The following KCNAB1 variants were observed in gnomAD, a reference collection of about 807,000 sequenced individuals.
KCNAB1 encodes voltage-gated potassium channel subunit beta-1.
KCNAB1 carries 35 observed loss-of-function variants against 64.6 expected under a neutral mutation model. The observed-to-expected ratio is 0.54, with a 90% CI of 0.41 to 0.72. The LOEUF is 0.72. Ranked by LOEUF, KCNAB1 falls within the 30% of genes least tolerant of loss-of-function variation. KCNAB1 has a pLI of 0.00. For synonymous variants in KCNAB1, 177 were observed against 183.8 expected, an observed-to-expected ratio of 0.96 and a Z score of 0.30; for missense variants, 401 against 512.9, an observed-to-expected ratio of 0.78 and a Z score of 2.11.
chr3:156,382,792 T>G (rs1299290836), intron 1 of KCNAB1, among the ~76,000 whole-genome samples: 1 of 152,192 alleles, frequency 6.6e-6, no homozygotes, highest in African/African-American at 2.4e-5. Flanking sequence ...AGCAACCACT[T>G]TGGGATCTCC....
rs377277955 is a variant in KCNAB1, at chr3:156,537,837, G to T, written c.*1090G>T. Reference sequence around the variant, plus strand: ...GGTATTTTTGAGGCATTGTTAACATGAAAGTCAACCACTGGCTTTGTGAAA... The same window carrying T: ...GGTATTTTTGAGGCATTGTTAACATTAAAGTCAACCACTGGCTTTGTGAAA... On this transcript the variant is annotated 3_prime_UTR_variant, in exon 14 of 14. Transcript: ENST00000490337. 5.2e-4 allele frequency: 80 copies of T among 152,588 alleles called. No individual in the cohort carries two copies. The highest frequency in any genetic ancestry group is 1.6e-3 in the African/African-American group (67 of 41,564). The allele number at this position is 152,588 out of a possible 1,614,324, so 9.5% of individuals were successfully genotyped here.
At chr3:156,151,789 A>G (rs1715427312) in intron 1 of KCNAB1, among the ~76,000 whole-genome samples, 1 of 152,182 alleles carries the variant, frequency 6.6e-6, no homozygotes, top group Non-Finnish European at 1.5e-5. Context: ...TTAATCTACC[A>G]TTGTATTCTA....
At chr3:156,299,221 C>T (rs1265529224) in intron 1 of KCNAB1, among the ~76,000 whole-genome samples, 1 of 152,240 alleles carries the variant, frequency 6.6e-6, no homozygotes, top group Non-Finnish European at 1.5e-5. Context: ...AAGCACAGCA[C>T]ATGCAACACT....
intron 1 of KCNAB1, among the ~76,000 whole-genome samples, chr3:156,294,945 A>G (rs926782807): frequency 6.6e-6 from 1 of 152,228 alleles, no homozygotes; most frequent in African/African-American, 2.4e-5. Flanking sequence ...AGCATAGTCA[A>G]TAAATATTTG....
chr3:156,347,692 G>C (rs1170357759), intron 1 of KCNAB1, among the ~76,000 whole-genome samples: 1 of 152,224 alleles, frequency 6.6e-6, no homozygotes, highest in South Asian at 2.1e-4. Context: ...AATTGGGAGA[G>C]CTTGTTCATC....
At chr3:156,166,839 C>T (rs988444698) in intron 1 of KCNAB1, among the ~76,000 whole-genome samples, 2 of 152,144 alleles carry the variant, frequency 1.3e-5, no homozygotes, top group Admixed American at 6.5e-5. Context: ...TAATAAAATT[C>T]TCCTAGATGA....
chr3:156,267,019 G>C (rs1343350179), intron 1 of KCNAB1, among the ~76,000 whole-genome samples: 2 of 151,438 alleles, frequency 1.3e-5, no homozygotes, highest in East Asian at 3.9e-4. Flanking sequence ...AAAGTGATAT[G>C]TACTCAAGCA....
intron 4 of KCNAB1, among the ~76,000 whole-genome samples, chr3:156,458,454 A>G (rs983078905): frequency 6.6e-6 from 1 of 152,366 alleles, no homozygotes; most frequent in South Asian, 2.1e-4. Flanking sequence ...AATCACCTGC[A>G]GGCCTAATTC....
intron 11 of KCNAB1, among the ~76,000 whole-genome samples, chr3:156,521,125 C>G (rs1478353292): frequency 6.6e-6 from 1 of 152,216 alleles, no homozygotes; most frequent in East Asian, 1.9e-4. Flanking sequence ...GAGCAAAGCT[C>G]ATTCAATTGT....
chr3:156,412,935 A>T (rs549542120), intron 1 of KCNAB1, among the ~76,000 whole-genome samples: 2 of 152,254 alleles, frequency 1.3e-5, no homozygotes. Flanking sequence ...ACAGACTGAC[A>T]TTCTGAATTT....
chr3:156,446,426 G>T (rs1487473607), intron 2 of KCNAB1, among the ~76,000 whole-genome samples: 2 of 152,174 alleles, frequency 1.3e-5, no homozygotes, highest in Admixed American at 1.3e-4. Flanking sequence ...CCTAGGGTTT[G>T]AACCTCTTAT....
intron 1 of KCNAB1, among the ~76,000 whole-genome samples, chr3:156,408,642 T>C (rs1714423544): frequency 6.6e-6 from 1 of 152,024 alleles, no homozygotes; most frequent in Admixed American, 6.6e-5. Context: ...TAGCCGGGTG[T>C]GGTGGGGCAC....
At chr3:156,252,237 CTG>C (rs1273100229) in intron 1 of KCNAB1, among the ~76,000 whole-genome samples, 1 of 152,254 alleles carries the variant, frequency 6.6e-6, no homozygotes, top group African/African-American at 2.4e-5. Flanking sequence ...ACATGTGAAT[CTG>C]TTCCCTGGCA....
intron 1 of KCNAB1, among the ~76,000 whole-genome samples, chr3:156,388,264 T>C (rs776952999): frequency 2.6e-5 from 4 of 152,170 alleles, no homozygotes; most frequent in Non-Finnish European, 4.4e-5. Flanking sequence ...GCTTCTGAAA[T>C]AGGATTGGAG....
chr3:156,417,060 C>G (rs1715126171), intron 1 of KCNAB1, among the ~76,000 whole-genome samples: 1 of 152,192 alleles, frequency 6.6e-6, no homozygotes, highest in Non-Finnish European at 1.5e-5. Context: ...TACTTACCAA[C>G]AATGATGAAC....
At chr3:156,318,038 A>G (rs1243424819) in intron 1 of KCNAB1, among the ~76,000 whole-genome samples, 1 of 152,204 alleles carries the variant, frequency 6.6e-6, no homozygotes, top group African/African-American at 2.4e-5. Context: ...GCATCTCCAG[A>G]ATAAAAAGCC....
Position 156,441,901 on chromosome 3 carries a change from G to T in KCNAB1, c.320-10998G>T, listed in dbSNP as rs115187872. Among the ~76,000 whole-genome samples, 1,481 of 152,166 alleles carry T rather than the reference G, an allele frequency of 9.7e-3. 12 individuals carry two copies. Among genetic ancestry groups the T allele is most frequent in the South Asian group, 0.028 (136 of 4,812 alleles). On this transcript the variant is annotated intron_variant, in intron 2 of 13. Coordinates refer to ENST00000490337, the MANE Select transcript of KCNAB1 (RefSeq NM_172160.3). ...CTTTTCATCTTTAAAATGTAGGAAG[G>T]GCTGTGACTTGTAGAAACTCTTGCT...
chr3:156,421,727 G>T, intron 2 of KCNAB1, 68 bp downstream of exon 2: 1 of 1,440,258 alleles, frequency 6.9e-7, no homozygotes, highest in South Asian at 1.2e-5. Context: ...ACCAGGGAGT[G>T]ACTGTGGTCT....
chr3:156,265,821 C>T (rs1264708966), intron 1 of KCNAB1, among the ~76,000 whole-genome samples: 1 of 152,026 alleles, frequency 6.6e-6, no homozygotes, highest in Non-Finnish European at 1.5e-5. Flanking sequence ...GGTGAAACCC[C>T]ATCTCTACTA....
Sources: gnomAD v4.1 joint callset for allele counts (sites outside exome capture counted in the v4.1 genomes callset) on GRCh38, gnomAD v4.1.1 for gene constraint, MANE v1.5 for transcripts, NCBI Gene and HGNC (gene_info 2026-07-23, HGNC 2026-07-21) for gene names.